The following SLCO4C1 variants were observed in gnomAD, a reference collection of about 807,000 sequenced individuals.
SLCO4C1 encodes the protein solute carrier organic anion transporter family member 4C1.
Under a neutral mutation model 72.1 loss-of-function variants are expected in SLCO4C1, and 58 were observed. The ratio of observed to expected loss-of-function variants is 0.80; its 90% CI spans 0.65 to 1.00. SLCO4C1 has a LOEUF of 1.00. Among genes scored for constraint, SLCO4C1 ranks in the 50% least tolerant of loss-of-function variants. The pLI is 0.00. For missense variants in SLCO4C1, 898 were observed against 857.9 expected, an observed-to-expected ratio of 1.05 and a Z score of -0.58; for synonymous variants, 297 against 312.5, an observed-to-expected ratio of 0.95 and a Z score of 0.52.
chr5:102,243,000 A>G (rs1016986897), intron 10 of SLCO4C1, among the ~76,000 whole-genome samples: 2 of 152,196 alleles, frequency 1.3e-5, no homozygotes, highest in Admixed American at 1.3e-4. Flanking sequence ...CAGCCCAGCC[A>G]GCATTCATGA....
intron 2 of SLCO4C1, among the ~76,000 whole-genome samples, chr5:102,290,417 G>A (rs1002644882): frequency 1.3e-5 from 2 of 152,172 alleles, no homozygotes; most frequent in Non-Finnish European, 2.9e-5. Flanking sequence ...GGGCATTAAT[G>A]TATTCATGAA....
At chr5:102,246,346 A>G (rs1339420428) in intron 10 of SLCO4C1, among the ~76,000 whole-genome samples, 1 of 152,182 alleles carries the variant, frequency 6.6e-6, no homozygotes, top group Admixed American at 6.5e-5. Context: ...AGAAATTCAA[A>G]GGATCATGAG....
At chr5:102,279,600 G>A (rs955395961) in intron 2 of SLCO4C1, among the ~76,000 whole-genome samples, 1 of 151,780 alleles carries the variant, frequency 6.6e-6, no homozygotes, top group African/African-American at 2.4e-5. Context: ...AAACTACAAA[G>A]CCAAATAGAG....
intron 5 of SLCO4C1, among the ~76,000 whole-genome samples, chr5:102,261,610 CGTT>C (rs1410558059): frequency 6.6e-6 from 1 of 151,732 alleles, no homozygotes; most frequent in Non-Finnish European, 1.5e-5. Context: ...GTTTAAAAGA[CGTT>C]GTACCTTGCA....
In SLCO4C1 at chr5:102,234,028, AT is replaced by A. The variant is rs1286481185; in HGVS notation, c.*2829del. ...GATTTAATAAATGGTATGAATATAT[AT>A]TTTGCATACTTTACAATAAAGAAAA... On this transcript the variant is annotated 3_prime_UTR_variant, in exon 13 of 13. Coordinates refer to ENST00000310954, the MANE Select transcript of SLCO4C1 (RefSeq NM_180991.5). 6.6e-6 allele frequency: 1 copy of A among 152,140 alleles called. No individual in the cohort carries two copies. The highest frequency in any genetic ancestry group is 2.4e-5 in the African/African-American group (1 of 41,456). 9.4% of individuals were successfully genotyped at this position (152,140 alleles called of 1,614,324 possible).
chr5:102,271,116 T>A (rs1749145180), intron 2 of SLCO4C1, among the ~76,000 whole-genome samples: 1 of 152,062 alleles, frequency 6.6e-6, no homozygotes. Context: ...CCCCATTTAA[T>A]TTTTTTACAC....
At chr5:102,276,160 CA>C (rs1749242941) in intron 2 of SLCO4C1, among the ~76,000 whole-genome samples, 1 of 152,096 alleles carries the variant, frequency 6.6e-6, no homozygotes, top group African/African-American at 2.4e-5. Flanking sequence ...TACTAAAGCA[CA>C]AAGCAAAAGT....
chr5:102,238,139 CT>C (rs1748472826), intron 12 of SLCO4C1, among the ~76,000 whole-genome samples: 1 of 152,088 alleles, frequency 6.6e-6, no homozygotes, highest in Non-Finnish European at 1.5e-5. Context: ...CAACTTACAA[CT>C]TTTTTTATTT....
intron 6 of SLCO4C1, 30 bp from the exon 7 acceptor site, chr5:102,258,117 A>G (rs1282012477): frequency 6.6e-7 from 1 of 1,516,130 alleles, no homozygotes. Context: ...TCCTCAAATG[A>G]ATAGCTATGA....
intron 2 of SLCO4C1, among the ~76,000 whole-genome samples, chr5:102,278,983 A>G (rs565064195): frequency 6.6e-6 from 1 of 151,896 alleles, no homozygotes; most frequent in Non-Finnish European, 1.5e-5. Flanking sequence ...AAGGAAGAAA[A>G]TAAAGAGCAG....
In SLCO4C1 at chr5:102,296,098, G is replaced by T; in HGVS notation, c.165C>A (p.Pro55=). ...QPQELQKPQE[P]QKSPEPSLPS... ...GCAGAGATGGCTCTGGTGACTTCTG[G>T]GGCTCCTGGGGCTTCTGAAGCTCCT... The change falls in exon 1 of 13, where the codon CCC becomes CCA. Residue 55 remains proline, a synonymous_variant. Transcript: ENST00000310954. 1 of 1,614,068 alleles carries T rather than the reference G, an allele frequency of 6.2e-7. No individual in the cohort carries two copies. Among genetic ancestry groups the T allele is most frequent in the Non-Finnish European group, 8.5e-7 (1 of 1,179,926 alleles).
intron 9 of SLCO4C1, 122 bp from the exon 10 acceptor site, chr5:102,247,564 A>G: frequency 1.9e-6 from 1 of 539,444 alleles, no homozygotes; most frequent in Admixed American, 3.8e-5. Context: ...TCAACAAATT[A>G]TGCTGAGAGA....
At chr5:102,292,961 G>C (rs1246945798) in intron 1 of SLCO4C1, among the ~76,000 whole-genome samples, 3 of 151,570 alleles carry the variant, frequency 2.0e-5, no homozygotes, top group African/African-American at 7.3e-5. Flanking sequence ...TTTTTACTTA[G>C]GTATGATAAA....
chr5:102,283,767 C>T (rs979017651), intron 2 of SLCO4C1, among the ~76,000 whole-genome samples: 6 of 151,918 alleles, frequency 3.9e-5, no homozygotes, highest in Non-Finnish European at 7.4e-5. Context: ...GAGCCTAATG[C>T]CTTGTCCTTC....
At chr5:102,257,558 T>C (rs1188792196) in intron 7 of SLCO4C1, among the ~76,000 whole-genome samples, 2 of 152,102 alleles carry the variant, frequency 1.3e-5, no homozygotes, top group East Asian at 3.9e-4. Context: ...CTCTAGTTCA[T>C]ACAAAAGATT....
intron 2 of SLCO4C1, among the ~76,000 whole-genome samples, chr5:102,284,064 T>G (rs1330159666): frequency 6.6e-6 from 1 of 152,154 alleles, no homozygotes; most frequent in Non-Finnish European, 1.5e-5. Flanking sequence ...AAAATAATTT[T>G]TGCCTCTAAC....
intron 3 of SLCO4C1, among the ~76,000 whole-genome samples, chr5:102,266,933 T>C (rs1749052681): frequency 6.6e-6 from 1 of 152,224 alleles, no homozygotes; most frequent in Non-Finnish European, 1.5e-5. Flanking sequence ...TCATATTTAT[T>C]GATTTCCATA....
chr5:102,269,028 C>G (rs1258818321), intron 3 of SLCO4C1, among the ~76,000 whole-genome samples: 1 of 152,010 alleles, frequency 6.6e-6, no homozygotes, highest in African/African-American at 2.4e-5. Context: ...AAGGTTTCTG[C>G]TGAGAAATCT....
In SLCO4C1 at chr5:102,291,429, G is replaced by A; in HGVS notation, c.533C>T (p.Ala178Val). The change falls in exon 2 of 13, where the codon GCA becomes GTA. Residue 178 changes from alanine (A) to valine (V), a missense_variant. Ala to Val is a moderately conservative substitution (Grantham distance 64). Coordinates refer to ENST00000310954, the MANE Select transcript of SLCO4C1 (RefSeq NM_180991.5). ...TGCTCCCAGTCCAATCATAAAGGCT[G>A]CAAATGCAAGCCATCTCGGCTTATG... ...RGHKPRWLAF[A>V]AFMIGLGALV... 6.2e-7 allele frequency: 1 copy of A among 1,614,028 alleles called. No homozygotes were observed. Among genetic ancestry groups the A allele is most frequent in the Non-Finnish European group, 8.5e-7 (1 of 1,179,930 alleles).
Sources: gnomAD v4.1 joint callset for allele counts (sites outside exome capture counted in the v4.1 genomes callset) on GRCh38, gnomAD v4.1.1 for gene constraint, MANE v1.5 for transcripts, NCBI Gene and HGNC (gene_info 2026-07-23, HGNC 2026-07-21) for gene names.